Variants in DIP2C observed in about 807,000 individuals in gnomAD.
The protein encoded by DIP2C is disco-interacting protein 2 homolog C.
DIP2C carries 33 observed loss-of-function variants against 192.4 expected under a neutral mutation model. The ratio of observed to expected loss-of-function variants is 0.17; its 90% CI spans 0.13 to 0.23. DIP2C has a LOEUF of 0.23. DIP2C is among the 10% of genes least tolerant of loss of function. DIP2C has a pLI of 1.00. For synonymous variants in DIP2C, 979 were observed against 864.1 expected (o/e 1.13, Z -2.33); for missense variants, 1,537 against 2,110.1 (o/e 0.73, Z 5.32).
chr10:503,472 C>T lies in DIP2C; in HGVS notation c.86-16942G>A, dbSNP rs1423340198. Among the ~76,000 whole-genome samples, 3 of 152,158 alleles carry T rather than the reference C, an allele frequency of 2.0e-5. No homozygotes were observed. In the East Asian group the frequency reaches 5.8e-4, roughly 29 times the overall value. On this transcript the variant is annotated intron_variant, in intron 1 of 36. Transcript: ENST00000280886. ...AAATTTAACAAGCAAAATAAAACTA[C>T]AAGGGAGAAACAAATGGAACCAAGG...
rs115241437 is a variant in DIP2C, at chr10:395,527, C to A, written c.1260+3582G>T. On this transcript the variant is annotated intron_variant, in intron 10 of 36. Coordinates refer to ENST00000280886, the MANE Select transcript of DIP2C (RefSeq NM_014974.3). Reference sequence around the variant, plus strand: ...GGTCTCTGTACTTCACCTGTGAAATCACTTGTGGCTTCCCTAGCATTCTAT... The same window carrying A: ...GGTCTCTGTACTTCACCTGTGAAATAACTTGTGGCTTCCCTAGCATTCTAT... 6.2e-3 allele frequency among the ~76,000 whole-genome samples: 950 copies of A among 152,290 alleles called. 3 individuals are homozygous for A. The highest frequency in any genetic ancestry group is 0.014 in the Middle Eastern group (4 of 294).
At chr10:688,980 A>C (rs1033832744) in intron 1 of DIP2C, among the ~76,000 whole-genome samples, 2 of 152,174 alleles carry the variant, frequency 1.3e-5, no homozygotes, top group African/African-American at 4.8e-5. Context: ...TTTCGCATTG[A>C]AATCTGGCCG....
chr10:443,048 G>A (rs1967875229), intron 3 of DIP2C, among the ~76,000 whole-genome samples: 1 of 152,200 alleles, frequency 6.6e-6, no homozygotes, highest in Admixed American at 6.5e-5. Context: ...CATTTTAGCA[G>A]GGATACCGCA....
intron 1 of DIP2C, among the ~76,000 whole-genome samples, chr10:539,701 C>G (rs921924541): frequency 1.3e-5 from 2 of 152,232 alleles, no homozygotes; most frequent in African/African-American, 4.8e-5. Context: ...TTTTTGTCCA[C>G]TGATCTAACT....
At chr10:444,452 T>C (rs1967994759) in intron 3 of DIP2C, among the ~76,000 whole-genome samples, 2 of 151,350 alleles carry the variant, frequency 1.3e-5, no homozygotes, top group African/African-American at 2.4e-5. Flanking sequence ...TTCTCCATCA[T>C]CACATGGAGC....
At chr10:456,711 C>T (rs1349936331) in intron 3 of DIP2C, among the ~76,000 whole-genome samples, 1 of 152,176 alleles carries the variant, frequency 6.6e-6, no homozygotes, top group Non-Finnish European at 1.5e-5. Flanking sequence ...TACACAGGGC[C>T]ATCTGTGTTC....
rs917006536 is a variant in DIP2C, at chr10:466,827, T to C, written c.268+5612A>G. On this transcript the variant is annotated intron_variant, in intron 3 of 36. Coordinates refer to ENST00000280886, the MANE Select transcript of DIP2C (RefSeq NM_014974.3). ...TCAGAGAAATGCAAATCAAAACCAC[T>C]ATGAGATATCATCGCACACCAGTTA... Among the ~76,000 whole-genome samples the C allele has an allele frequency of 5.1e-5, 7 of 136,506 alleles. No homozygotes were observed. In the South Asian group the frequency reaches 2.0e-3, roughly 38 times the overall value. The allele number at this position is 136,506 out of a possible 152,430, so 89.6% of individuals were successfully genotyped here.
intron 3 of DIP2C, among the ~76,000 whole-genome samples, chr10:452,874 T>C (rs1032056046): frequency 2.6e-5 from 4 of 152,178 alleles, no homozygotes; most frequent in Non-Finnish European, 5.9e-5. Context: ...CGGGGCAGGA[T>C]GGACCCATCT....
intron 1 of DIP2C, among the ~76,000 whole-genome samples, chr10:544,407 G>C (rs111961157): frequency 3.9e-5 from 6 of 152,208 alleles, no homozygotes; most frequent in African/African-American, 1.4e-4. Context: ...TCTTGCATAA[G>C]ATTTTTTTGT....
chr10:378,589 A>ACAT (rs10665359), intron 17 of DIP2C, among the ~76,000 whole-genome samples: 1 of 151,294 alleles, frequency 6.6e-6, no homozygotes, highest in East Asian at 1.9e-4. Context: ...GTGAACGCAG[A>ACAT]CATAGACACA....
At position 307,287 on chromosome 10, in the gene DIP2C, G is replaced by A. The variant is rs1034367174; in HGVS notation, c.3986+2744C>T. 9.2e-5 allele frequency among the ~76,000 whole-genome samples: 14 copies of A among 152,314 alleles called. No individual in the cohort carries two copies. The East Asian group carries it at 9.6e-4, about 10-fold the overall frequency. On this transcript the variant is annotated intron_variant, in intron 32 of 36. Transcript: ENST00000280886. ...CTGAGGTTACAGAGTGTAATACCTC[G>A]TCCCAGAGGAGCTGACTTCTGACCT... is the stretch of plus-strand genomic sequence containing the variant.
At chr10:414,727 G>GTA (rs1305381030) in intron 7 of DIP2C, among the ~76,000 whole-genome samples, 33 of 70,358 alleles carry the variant, frequency 4.7e-4, no homozygotes, top group African/African-American at 1.4e-3. Flanking sequence ...GTGTGTGTGT[G>GTA]TGTGTGTGTG....
chr10:358,970 T>G (rs1398264415), intron 22 of DIP2C, among the ~76,000 whole-genome samples: 2 of 152,046 alleles, frequency 1.3e-5, no homozygotes, highest in Non-Finnish European at 1.5e-5. Flanking sequence ...TAAATCAAAT[T>G]CTTAAATTCC....
chr10:686,928 T>G (rs1220224557), intron 1 of DIP2C, among the ~76,000 whole-genome samples: 4 of 152,270 alleles, frequency 2.6e-5, no homozygotes, highest in Non-Finnish European at 5.9e-5. Flanking sequence ...AGGGGAATGC[T>G]CTACTCTTTC....
intron 1 of DIP2C, among the ~76,000 whole-genome samples, chr10:654,612 C>T (rs1434146229): frequency 1.3e-5 from 2 of 152,114 alleles, no homozygotes; most frequent in Non-Finnish European, 2.9e-5. Flanking sequence ...CAGAACACTA[C>T]CAAAGAGGAC....
chr10:570,013 T>C (rs1341252506), intron 1 of DIP2C, among the ~76,000 whole-genome samples: 1 of 152,156 alleles, frequency 6.6e-6, no homozygotes, highest in Non-Finnish European at 1.5e-5. Context: ...ATAGTATCAA[T>C]GGCCTCAGAG....
In DIP2C at chr10:415,797, A is replaced by G; in HGVS notation, c.831T>C (p.Phe277=). The change falls in exon 7 of 37, where the codon TTT becomes TTC. Residue 277 remains phenylalanine, a synonymous_variant. Coordinates refer to ENST00000280886, the MANE Select transcript of DIP2C (RefSeq NM_014974.3). ...CTAATAATTCTTCAAAGTCATCGAC[A>G]AAGAATTCTCGTAAAGGTGGTCGTT... ...RPKRPPLREF[F]VDDFEELLEV... is the part of the protein sequence containing the mutation. The G allele has an allele frequency of 6.2e-7, 1 of 1,614,088 alleles. No homozygotes were observed. The highest frequency in any genetic ancestry group is 2.2e-5 in the East Asian group (1 of 44,870).
At position 379,057 on chromosome 10, in the gene DIP2C, G is replaced by A. The variant is rs1215543327; in HGVS notation, c.1991+3590C>T. On this transcript the variant is annotated intron_variant, in intron 17 of 36. Coordinates refer to ENST00000280886, the MANE Select transcript of DIP2C (RefSeq NM_014974.3). ...CCTTTCTGTGAGGGGAGAACCAATG[G>A]CATAAGCTCTGGCAGTGACCTGCCT... 2.6e-5 allele frequency among the ~76,000 whole-genome samples: 4 copies of A among 152,324 alleles called. No homozygotes were observed. In the East Asian group the frequency reaches 7.7e-4, roughly 29 times the overall value.
In DIP2C at chr10:651,083, C is replaced by CA; in HGVS notation, c.85+38410dup. ...CCACCCCTCCTGCTCTTGTCTCTCC[C>CA]ACACCTCCCAAACTCTCTCCTGGCC... is the stretch of plus-strand genomic sequence containing the variant. On this transcript the variant is annotated intron_variant, in intron 1 of 36. Coordinates refer to ENST00000280886, the MANE Select transcript of DIP2C (RefSeq NM_014974.3). The surrounding 1 kb of genome is among the most constrained non-coding windows in gnomAD (Gnocchi z 4.1). 1.4e-6 allele frequency: 1 copy of CA among 717,522 alleles called. No individual in the cohort carries two copies. The allele number at this position is 717,522 out of a possible 1,614,324, so 44.4% of individuals were successfully genotyped here.
Sources: gnomAD v4.1 joint callset for allele counts (sites outside exome capture counted in the v4.1 genomes callset) on GRCh38, gnomAD v4.1.1 for gene constraint, Gnocchi (gnomAD v3.1) non-coding constraint, MANE v1.5 for transcripts, NCBI Gene and HGNC (gene_info 2026-07-23, HGNC 2026-07-21) for gene names.